Variants in SLC30A8 observed in about 807,000 individuals in gnomAD.
SLC30A8 encodes solute carrier family 30 member 8.
In SLC30A8, 27 loss-of-function variants were observed where a neutral mutation model predicts 36.9. The ratio of observed to expected loss-of-function variants is 0.73; its 90% CI spans 0.54 to 1.01. SLC30A8 has a LOEUF of 1.01. Ranked by LOEUF, SLC30A8 falls within the 50% of genes least tolerant of loss-of-function variation. SLC30A8 has a pLI of 0.00. For missense variants in SLC30A8, 439 were observed against 452.0 expected, an observed-to-expected ratio of 0.97 and a Z score of 0.26; for synonymous variants, 164 against 172.4, an observed-to-expected ratio of 0.95 and a Z score of 0.38.
At chr8:117,139,859 T>TA (rs61537395) in intron 1 of SLC30A8, among the ~76,000 whole-genome samples, 14,051 of 109,660 alleles carry the variant, frequency 0.13, 858 homozygotes, top group East Asian at 0.22. Context: ...CAACATCTGG[T>TA]AAAAAAAAAA....
intron 1 of SLC30A8, among the ~76,000 whole-genome samples, chr8:116,997,610 T>A (rs1420551960): frequency 6.6e-6 from 1 of 152,202 alleles, no homozygotes; most frequent in Non-Finnish European, 1.5e-5. Flanking sequence ...AAATTTGATC[T>A]AAAAATAGGA....
intron 2 of SLC30A8, among the ~76,000 whole-genome samples, chr8:117,096,372 A>G (rs956260812): frequency 1.2e-4 from 18 of 152,164 alleles, no homozygotes; most frequent in Admixed American, 9.8e-4. Context: ...TTGGAGTTGC[A>G]GTGAAGCATG....
intron 2 of SLC30A8, among the ~76,000 whole-genome samples, chr8:117,061,813 T>C (rs1377829330): frequency 6.6e-6 from 1 of 152,194 alleles, no homozygotes; most frequent in African/African-American, 2.4e-5. Flanking sequence ...GAGAGTCATC[T>C]TAGCAGGGCT....
chr8:116,968,510 G>A (rs1438170007), intron 1 of SLC30A8, among the ~76,000 whole-genome samples: 1 of 151,880 alleles, frequency 6.6e-6, no homozygotes, highest in Non-Finnish European at 1.5e-5. Flanking sequence ...TGAGGAAACT[G>A]ATGCCTCTTC....
chr8:117,057,073 ATT>A (rs1817894712), intron 2 of SLC30A8, among the ~76,000 whole-genome samples: 1 of 152,218 alleles, frequency 6.6e-6, no homozygotes, highest in Non-Finnish European at 1.5e-5. Flanking sequence ...AGCAACAGAA[ATT>A]TAACTGTCAC....
intron 1 of SLC30A8, among the ~76,000 whole-genome samples, chr8:116,999,198 G>A (rs1410074207): frequency 1.3e-5 from 2 of 152,176 alleles, no homozygotes; most frequent in South Asian, 2.1e-4. Context: ...GGCAGAGGTC[G>A]CAGTGAGCCG....
intron 1 of SLC30A8, among the ~76,000 whole-genome samples, chr8:116,968,366 T>G (rs1186396652): frequency 6.7e-6 from 1 of 149,956 alleles, no homozygotes; most frequent in East Asian, 1.9e-4. Flanking sequence ...ATAAATAAGC[T>G]ATAGTATATT....
intron 2 of SLC30A8, among the ~76,000 whole-genome samples, chr8:117,068,447 G>A (rs926464378): frequency 6.6e-6 from 1 of 152,312 alleles, no homozygotes; most frequent in East Asian, 1.9e-4. Context: ...CACTGGCACG[G>A]TGTGCTCTGC....
intron 1 of SLC30A8, among the ~76,000 whole-genome samples, chr8:117,142,033 A>T (rs1380140715): frequency 1.3e-5 from 2 of 152,116 alleles, no homozygotes; most frequent in Non-Finnish European, 2.9e-5. Flanking sequence ...GTGGGAGTTC[A>T]ACTGAGGTGG....
At chr8:117,122,764 G>C (rs1385996874) in intron 2 of SLC30A8, among the ~76,000 whole-genome samples, 2 of 151,934 alleles carry the variant, frequency 1.3e-5, no homozygotes, top group Non-Finnish European at 2.9e-5. Flanking sequence ...TTCTGGCAAG[G>C]ATCACAGAGC....
At chr8:117,042,836 C>T (rs112072171) in intron 2 of SLC30A8, among the ~76,000 whole-genome samples, 1,696 of 152,204 alleles carry the variant, frequency 0.011, 33 homozygotes, top group African/African-American at 0.037. Flanking sequence ...CCACCACAAC[C>T]GGCTAATTTT....
At chr8:117,164,496 G>T (rs1398137411) in intron 6 of SLC30A8, among the ~76,000 whole-genome samples, 1 of 152,100 alleles carries the variant, frequency 6.6e-6, no homozygotes, top group Non-Finnish European at 1.5e-5. Flanking sequence ...ATCGCTTGAG[G>T]CTGGGAGGCA....
chr8:116,985,535 A>G (rs965606508), intron 1 of SLC30A8, among the ~76,000 whole-genome samples: 1 of 152,174 alleles, frequency 6.6e-6, no homozygotes, highest in Non-Finnish European at 1.5e-5. Context: ...CTTGTACATA[A>G]TGTTGTACAA....
chr8:117,096,052 A>T (rs1563592790), intron 2 of SLC30A8, among the ~76,000 whole-genome samples: 1 of 152,100 alleles, frequency 6.6e-6, no homozygotes, highest in South Asian at 2.1e-4. Flanking sequence ...CCTTTTCATC[A>T]TCTTTCTCTC....
intron 2 of SLC30A8, among the ~76,000 whole-genome samples, chr8:117,052,651 A>G (rs574865570): frequency 6.6e-6 from 1 of 152,182 alleles, no homozygotes; most frequent in Non-Finnish European, 1.5e-5. Context: ...CTAATATTAT[A>G]GAGTTGTGGT....
chr8:116,967,284 AGAG>A (rs1814630129), intron 1 of SLC30A8, among the ~76,000 whole-genome samples: 1 of 152,234 alleles, frequency 6.6e-6, no homozygotes, highest in African/African-American at 2.4e-5. Flanking sequence ...GGAAGAGAAG[AGAG>A]GAGATAATAA....
rs150351032 is a variant in SLC30A8, at chr8:117,000,279, C to T, written c.-265-38940C>T. On this transcript the variant is annotated intron_variant, in intron 1 of 10. Transcript: ENST00000427715. ...GGGAGTGGGCGCAAATTCCTATGAC[C>T]GAGTTGTCTGGACCTGGGCGAGGGC... Among the ~76,000 whole-genome samples the T allele has an allele frequency of 2.0e-3, 311 of 152,196 alleles. 2 individuals carry two copies. Among genetic ancestry groups the T allele is most frequent in the African/African-American group, 7.2e-3 (300 of 41,530 alleles).
intron 2 of SLC30A8, among the ~76,000 whole-genome samples, chr8:117,074,637 A>G (rs900479615): frequency 2.0e-5 from 3 of 152,136 alleles, no homozygotes; most frequent in African/African-American, 7.2e-5. Flanking sequence ...GATCTGCTCG[A>G]TATCTCCTTA....
chr8:117,153,113 T>C, intron 3 of SLC30A8, 23 bp downstream of exon 3: 18 of 1,542,984 alleles, frequency 1.2e-5, no homozygotes, highest in Non-Finnish European at 1.6e-5. Flanking sequence ...GAGTGAGCAA[T>C]AACAGCAGGC....
Sources: allele counts gnomAD v4.1 joint callset (sites outside exome capture counted in the v4.1 genomes callset), GRCh38; gene constraint gnomAD v4.1.1; transcripts MANE v1.5; gene names NCBI Gene and HGNC (gene_info 2026-07-23, HGNC 2026-07-21).